PTPRQ: variants seen among roughly 807,000 people sequenced by gnomAD.
The protein encoded by PTPRQ is protein tyrosine phosphatase receptor type Q, also known as phosphatidylinositol phosphatase PTPRQ.
Under a neutral mutation model 246.0 loss-of-function variants are expected in PTPRQ, and 199 were observed. The observed-to-expected ratio is 0.81, with a 90% CI of 0.72 to 0.91. The LOEUF is 0.91. PTPRQ is among the 40% of genes least tolerant of loss of function. The probability of loss-of-function intolerance (pLI) is 0.00; values close to 1 mark genes in which losing one functional copy is unlikely to be tolerated. For missense variants in PTPRQ, 2,624 were observed against 2,528.4 expected (o/e 1.04, Z -0.81); for synonymous variants, 869 against 853.2 (o/e 1.02, Z -0.32).
intron 14 of PTPRQ, among the ~76,000 whole-genome samples, chr12:80,503,308 T>G (rs1319569399): frequency 6.6e-6 from 1 of 151,854 alleles, no homozygotes; most frequent in African/African-American, 2.4e-5. Context: ...AGAGAAGATT[T>G]AGCACATTTC....
chr12:80,632,050 G>A (rs1433843838), intron 33 of PTPRQ, 142 bp from the exon 34 acceptor site: 2 of 1,172,684 alleles, frequency 1.7e-6, no homozygotes, highest in Admixed American at 3.0e-5. Flanking sequence ...TAGGAGAAGA[G>A]GAACAAACAA....
intron 8 of PTPRQ, among the ~76,000 whole-genome samples, chr12:80,481,066 A>C (rs1894030670): frequency 2.0e-5 from 3 of 152,298 alleles, no homozygotes; most frequent in Admixed American, 2.0e-4. Flanking sequence ...GCAGAGACAC[A>C]ACCAAAAAAG....
At chr12:80,481,906 C>G (rs955166334) in intron 8 of PTPRQ, among the ~76,000 whole-genome samples, 51 of 149,956 alleles carry the variant, frequency 3.4e-4, no homozygotes, top group Non-Finnish European at 6.5e-4. Flanking sequence ...ACATTCCATG[C>G]TCATGGGTAG....
At chr12:80,652,074 A>T (rs1364836404) in intron 37 of PTPRQ, among the ~76,000 whole-genome samples, 28 of 152,114 alleles carry the variant, frequency 1.8e-4, no homozygotes, top group Admixed American at 1.8e-3. Flanking sequence ...CACACATGTA[A>T]ATTTTCAGCT....
intron 28 of PTPRQ, among the ~76,000 whole-genome samples, chr12:80,611,119 T>C (rs1034638231): frequency 6.6e-6 from 1 of 150,430 alleles, no homozygotes; most frequent in Non-Finnish European, 1.5e-5. Context: ...AAGTAATATA[T>C]GTCTTATTAT....
chr12:80,449,178 G>T (rs544223455), intron 3 of PTPRQ, among the ~76,000 whole-genome samples: 29 of 151,268 alleles, frequency 1.9e-4, no homozygotes, highest in Admixed American at 1.9e-3. Context: ...GTCTTCTTTT[G>T]AGAAGTGTCT....
chr12:80,618,813 G>A (rs1898864844), intron 30 of PTPRQ, among the ~76,000 whole-genome samples: 1 of 151,378 alleles, frequency 6.6e-6, no homozygotes, highest in Non-Finnish European at 1.5e-5. Context: ...AGCAAAAAAA[G>A]CAATATGAGG....
intron 25 of PTPRQ, among the ~76,000 whole-genome samples, chr12:80,563,362 C>T (rs573363457): frequency 1.3e-5 from 2 of 151,928 alleles, no homozygotes; most frequent in Admixed American, 6.5e-5. Flanking sequence ...CTGCCCTAAT[C>T]CCACTCGTGA....
intron 25 of PTPRQ, among the ~76,000 whole-genome samples, chr12:80,573,265 G>A (rs192733153): frequency 1.4e-4 from 21 of 152,224 alleles, no homozygotes; most frequent in South Asian, 2.1e-4. Flanking sequence ...CAAGGCAGGC[G>A]GATCACGAGG....
intron 11 of PTPRQ, 28 bp from the exon 12 acceptor site, chr12:80,495,164 C>A: frequency 6.5e-7 from 1 of 1,543,742 alleles, no homozygotes; most frequent in South Asian, 1.2e-5. Context: ...ACTTTTTTTT[C>A]ATTCATATGT....
intron 25 of PTPRQ, among the ~76,000 whole-genome samples, chr12:80,569,949 A>G (rs1897096381): frequency 6.6e-6 from 1 of 152,098 alleles, no homozygotes; most frequent in South Asian, 2.1e-4. Flanking sequence ...TCCATGGTGT[A>G]TATGTGCCAC....
At chr12:80,450,104 G>A (rs1230557292) in intron 3 of PTPRQ, among the ~76,000 whole-genome samples, 1 of 152,032 alleles carries the variant, frequency 6.6e-6, no homozygotes, top group Non-Finnish European at 1.5e-5. Context: ...TCCCTTGTAA[G>A]GTGGATTCCT....
intron 35 of PTPRQ, among the ~76,000 whole-genome samples, chr12:80,645,207 G>A (rs576188347): frequency 1.3e-5 from 2 of 152,098 alleles, no homozygotes; most frequent in East Asian, 1.9e-4. Flanking sequence ...GTAGGCAAGA[G>A]CAATTTTATT....
chr12:80,596,435 C>A (rs532423665), intron 26 of PTPRQ, among the ~76,000 whole-genome samples: 16 of 151,362 alleles, frequency 1.1e-4, no homozygotes, highest in Non-Finnish European at 1.2e-4. Context: ...TTTTTTAAAT[C>A]ATCAATATTT....
At position 80,510,098 on chromosome 12, in the gene PTPRQ, A is replaced by T. The variant is rs556646380; in HGVS notation, c.2558-225A>T. 5.3e-3 allele frequency among the ~76,000 whole-genome samples: 806 copies of T among 152,090 alleles called. 6 individuals carry two copies. Among genetic ancestry groups the T allele is most frequent in the African/African-American group, 0.018 (767 of 41,506 alleles). On this transcript the variant is annotated intron_variant, in intron 16 of 44. Transcript: ENST00000644991. The stretch of plus-strand genomic sequence containing the variant: ...CCCTTGTTCTTCTTTCTCATGAAAT[A>T]TTTTTTTCCATTGAATCACAGAAAC...
chr12:80,514,919 A>C (rs1895246247), intron 17 of PTPRQ, among the ~76,000 whole-genome samples: 1 of 148,142 alleles, frequency 6.8e-6, no homozygotes, highest in Admixed American at 6.8e-5. Context: ...ATTCAAGAAT[A>C]TTATCTATAA....
chr12:80,657,018 G>A (rs1900464292), intron 38 of PTPRQ, among the ~76,000 whole-genome samples: 1 of 151,774 alleles, frequency 6.6e-6, no homozygotes, highest in South Asian at 2.1e-4. Flanking sequence ...CAAAGTCATA[G>A]TGAAAAATAA....
At chr12:80,478,289 A>G (rs548623090) in intron 8 of PTPRQ, among the ~76,000 whole-genome samples, 3 of 151,564 alleles carry the variant, frequency 2.0e-5, no homozygotes, top group Non-Finnish European at 4.4e-5. Context: ...TCACATGGCC[A>G]GGTACTCCAA....
intron 17 of PTPRQ, among the ~76,000 whole-genome samples, chr12:80,516,201 C>A (rs1895294526): frequency 6.6e-6 from 1 of 152,106 alleles, no homozygotes; most frequent in Non-Finnish European, 1.5e-5. Flanking sequence ...TTACTATTTT[C>A]TTGAATTCAA....
Sources: gnomAD v4.1 joint callset for allele counts (sites outside exome capture counted in the v4.1 genomes callset) on GRCh38, gnomAD v4.1.1 for gene constraint, MANE v1.5 for transcripts, NCBI Gene and HGNC (gene_info 2026-07-23, HGNC 2026-07-21) for gene names.